The following CACHD1 variants were observed in gnomAD, a reference collection of about 807,000 sequenced individuals.
CACHD1 encodes the protein VWFA and cache domain-containing protein 1.
In CACHD1, 71 loss-of-function variants were observed where a neutral mutation model predicts 138.7. The observed-to-expected ratio is 0.51, with a 90% CI of 0.42 to 0.62. The LOEUF (loss-of-function observed/expected upper bound fraction) is 0.62. Ranked by LOEUF, CACHD1 falls within the 20% of genes least tolerant of loss-of-function variation. The probability of loss-of-function intolerance (pLI) is 0.00; values close to 1 mark genes in which losing one functional copy is unlikely to be tolerated. For missense variants in CACHD1, 1,389 were observed against 1,625.3 expected, an observed-to-expected ratio of 0.85 and a Z score of 2.50; for synonymous variants, 578 against 591.5, an observed-to-expected ratio of 0.98 and a Z score of 0.33.
At chr1:64,608,934 G>A (rs1049541646) in intron 4 of CACHD1, among the ~76,000 whole-genome samples, 14 of 152,138 alleles carry the variant, frequency 9.2e-5, no homozygotes, top group African/African-American at 3.4e-4. Context: ...AAAAGCGTCT[G>A]GACTTTCTTT....
chr1:64,515,557 T>C (rs1479118053), intron 1 of CACHD1, among the ~76,000 whole-genome samples: 3 of 152,226 alleles, frequency 2.0e-5, no homozygotes, highest in African/African-American at 2.4e-5. Context: ...TGACTATTAG[T>C]ATTTGTGTTG....
intron 1 of CACHD1, among the ~76,000 whole-genome samples, chr1:64,495,249 C>T (rs10465845): frequency 0.79 from 119,480 of 151,906 alleles, 48,031 homozygotes; most frequent in Non-Finnish European, 0.86. Context: ...AATGAAAATG[C>T]AAAGTATTAT....
intron 25 of CACHD1, 112 bp downstream of exon 25, chr1:64,681,447 G>A (rs559008765): frequency 4.9e-5 from 37 of 755,584 alleles, no homozygotes; most frequent in East Asian, 4.2e-4. Context: ...GCTTTGACAC[G>A]GTGGCTGGGT....
chr1:64,578,769 G>A (rs947181262), intron 2 of CACHD1, among the ~76,000 whole-genome samples: 5 of 152,162 alleles, frequency 3.3e-5, no homozygotes, highest in Admixed American at 2.0e-4. Flanking sequence ...TTACAGCTGC[G>A]TAGCTGACAG....
intron 1 of CACHD1, among the ~76,000 whole-genome samples, chr1:64,524,648 A>G (rs1309912099): frequency 1.3e-5 from 2 of 152,240 alleles, no homozygotes; most frequent in African/African-American, 4.8e-5. Context: ...AAATCCAAAG[A>G]GAAGTTCTAG....
chr1:64,474,074 C>T (rs2100255937), intron 1 of CACHD1, among the ~76,000 whole-genome samples: 1 of 152,132 alleles, frequency 6.6e-6, no homozygotes, highest in East Asian at 1.9e-4. Flanking sequence ...TAATAATGGA[C>T]AAAATATATT....
intron 1 of CACHD1, among the ~76,000 whole-genome samples, chr1:64,474,933 G>A (rs1646165910): frequency 6.6e-6 from 1 of 152,196 alleles, no homozygotes; most frequent in Admixed American, 6.5e-5. Context: ...TGGGAGGGAG[G>A]GAGGAGCAGG....
At chr1:64,478,046 T>C (rs1014157971) in intron 1 of CACHD1, among the ~76,000 whole-genome samples, 1 of 152,224 alleles carries the variant, frequency 6.6e-6, no homozygotes, top group African/African-American at 2.4e-5. Context: ...ATGTATAATA[T>C]ATTGGTACAC....
rs1649105202 is a variant in CACHD1, at chr1:64,651,775, T to G, written c.1391-386T>G. Among the ~76,000 whole-genome samples the G allele has an allele frequency of 1.3e-5, 2 of 152,234 alleles. 1 individual carries two copies. Among genetic ancestry groups the G allele is most frequent in the Admixed American group, 1.3e-4 (2 of 15,286 alleles). Reference sequence around the variant, plus strand: ...GGACTATTAAGTACAGTTTTTAGATTCATTGTCCATTGATCTTTCAAGTTC... The same window carrying G: ...GGACTATTAAGTACAGTTTTTAGATGCATTGTCCATTGATCTTTCAAGTTC... On this transcript the variant is annotated intron_variant, in intron 9 of 26. Coordinates refer to ENST00000651257, the MANE Select transcript of CACHD1 (RefSeq NM_020925.4).
chr1:64,606,129 A>ACACACACACACACACACACACACG (rs1158777478), intron 4 of CACHD1, among the ~76,000 whole-genome samples: 1 of 149,696 alleles, frequency 6.7e-6, no homozygotes, highest in Non-Finnish European at 1.5e-5. Context: ...ACACACACAC[A>ACACACACACACACACACACACACG]CGCACACACA....
At chr1:64,475,970 T>C (rs1285472640) in intron 1 of CACHD1, among the ~76,000 whole-genome samples, 1 of 152,050 alleles carries the variant, frequency 6.6e-6, no homozygotes, top group Non-Finnish European at 1.5e-5. Context: ...AGTGCAGTGG[T>C]AGAGAGAGAA....
chr1:64,536,235 A>T (rs1448033240), intron 1 of CACHD1, among the ~76,000 whole-genome samples: 1 of 152,158 alleles, frequency 6.6e-6, no homozygotes, highest in Non-Finnish European at 1.5e-5. Flanking sequence ...TTTTGGAGAT[A>T]GGAAAATGGA....
chr1:64,502,218 T>A (rs1201217592), intron 1 of CACHD1, among the ~76,000 whole-genome samples: 13 of 152,238 alleles, frequency 8.5e-5, no homozygotes, highest in Admixed American at 8.5e-4. Flanking sequence ...AGCTGTGAAC[T>A]TATCCTGTAA....
chr1:64,656,400 A>G (rs1407080237), intron 12 of CACHD1, among the ~76,000 whole-genome samples: 2 of 152,182 alleles, frequency 1.3e-5, no homozygotes, highest in African/African-American at 2.4e-5. Context: ...TTTAATTTTC[A>G]TATCAGAAAG....
At chr1:64,550,415 C>T (rs1016193457) in intron 1 of CACHD1, among the ~76,000 whole-genome samples, 179 bp from the exon 2 acceptor site, 2 of 152,132 alleles carry the variant, frequency 1.3e-5, no homozygotes, top group Non-Finnish European at 2.9e-5. Context: ...CTGGGTATTG[C>T]TTACATAAGT....
At chr1:64,571,347 C>T (rs572302398) in intron 2 of CACHD1, among the ~76,000 whole-genome samples, 1 of 152,254 alleles carries the variant, frequency 6.6e-6, no homozygotes, top group South Asian at 2.1e-4. Flanking sequence ...TTAAATGAGG[C>T]ACTAGGAGGG....
chr1:64,604,735 C>T (rs1165181636), intron 4 of CACHD1, among the ~76,000 whole-genome samples: 1 of 151,996 alleles, frequency 6.6e-6, no homozygotes, highest in Non-Finnish European at 1.5e-5. Context: ...TCACTGCAAC[C>T]CCTGCCTCCC....
At position 64,641,818 on chromosome 1, in the gene CACHD1, A is replaced by G. The variant is rs1163195420; in HGVS notation, c.1007-2A>G. 1 of 1,552,130 alleles carries G rather than the reference A, an allele frequency of 6.4e-7. No individual in the cohort carries two copies. The highest frequency in any genetic ancestry group is 1.4e-5 in the African/African-American group (1 of 71,214). Reference sequence around the variant, plus strand: ...GCATTCAATTGATGTGTTTTTGTTTAGATACAGACATGGTCATCATTTACC... The same window carrying G: ...GCATTCAATTGATGTGTTTTTGTTTGGATACAGACATGGTCATCATTTACC... On this transcript the variant is annotated splice_acceptor_variant, in intron 7 of 26. Coordinates refer to ENST00000651257, the MANE Select transcript of CACHD1 (RefSeq NM_020925.4). LOFTEE classifies it high-confidence loss of function.
chr1:64,646,065 A>G (rs892131529), intron 8 of CACHD1, among the ~76,000 whole-genome samples: 6 of 152,182 alleles, frequency 3.9e-5, no homozygotes, highest in African/African-American at 1.4e-4. Flanking sequence ...GTAACACCTC[A>G]TACTCAATCC....
Sources: gnomAD v4.1 joint callset for allele counts (sites outside exome capture counted in the v4.1 genomes callset) on GRCh38, gnomAD v4.1.1 for gene constraint, MANE v1.5 for transcripts, NCBI Gene and HGNC (gene_info 2026-07-23, HGNC 2026-07-21) for gene names.